The following RALGAPA2 variants were observed in gnomAD, a reference collection of about 807,000 sequenced individuals.
RALGAPA2 encodes the protein Ral GTPase activating protein catalytic subunit alpha 2.
Under a neutral mutation model 230.4 loss-of-function variants are expected in RALGAPA2, and 139 were observed. The ratio of observed to expected loss-of-function variants is 0.60; its 90% CI spans 0.53 to 0.69. The LOEUF (loss-of-function observed/expected upper bound fraction) is 0.69. Ranked by LOEUF, RALGAPA2 falls within the 30% of genes least tolerant of loss-of-function variation. The probability of loss-of-function intolerance (pLI) is 0.00; values close to 1 mark genes in which losing one functional copy is unlikely to be tolerated. For missense variants in RALGAPA2, 2,163 were observed against 2,276.0 expected, an observed-to-expected ratio of 0.95 and a Z score of 1.01; for synonymous variants, 847 against 837.8, an observed-to-expected ratio of 1.01 and a Z score of -0.19.
intron 24 of RALGAPA2, among the ~76,000 whole-genome samples, chr20:20,543,516 G>A (rs2145684102): frequency 6.6e-6 from 1 of 152,294 alleles, no homozygotes; most frequent in Non-Finnish European, 1.5e-5. Context: ...TTAAGAAAAT[G>A]TGGCACATAT....
intron 5 of RALGAPA2, among the ~76,000 whole-genome samples, chr20:20,642,402 G>T (rs1260672803): frequency 6.6e-6 from 1 of 152,010 alleles, no homozygotes; most frequent in East Asian, 1.9e-4. Context: ...GTAGAGACGG[G>T]GTTTCACCAT....
intron 1 of RALGAPA2, among the ~76,000 whole-genome samples, chr20:20,699,458 G>A (rs2069253488): frequency 6.6e-6 from 1 of 152,154 alleles, no homozygotes; most frequent in Non-Finnish European, 1.5e-5. Flanking sequence ...CCATGGAATC[G>A]AGAGAGAGTC....
Position 20,393,091 on chromosome 20 carries a change from G to C in RALGAPA2, c.*198C>G. The C allele has an allele frequency of 7.4e-7, 1 of 1,352,396 alleles. No individual in the cohort carries two copies. The highest frequency in any genetic ancestry group is 9.9e-7 in the Non-Finnish European group (1 of 1,014,778). The allele number at this position is 1,352,396 out of a possible 1,614,324, so 83.8% of individuals were successfully genotyped here. A position where few individuals can be genotyped will look rare whatever the true frequency, so the allele number is the denominator to read the frequency against. On this transcript the variant is annotated 3_prime_UTR_variant, in exon 40 of 40. Coordinates refer to ENST00000202677, the MANE Select transcript of RALGAPA2 (RefSeq NM_020343.4). Reference sequence around the variant, plus strand: ...GTAGTGGGATTCACCATGGGCTTCAGAAGTCCACTAATGGGAAGACCTGCT... The same window carrying C: ...GTAGTGGGATTCACCATGGGCTTCACAAGTCCACTAATGGGAAGACCTGCT...
intron 37 of RALGAPA2, among the ~76,000 whole-genome samples, chr20:20,447,646 T>A (rs1030489656): frequency 4.0e-5 from 6 of 151,304 alleles, no homozygotes; most frequent in Non-Finnish European, 8.8e-5. Context: ...TTTTTTTTTT[T>A]AACTAGGTCA....
At chr20:20,523,291 G>A (rs1386792641) in intron 30 of RALGAPA2, among the ~76,000 whole-genome samples, 1 of 152,222 alleles carries the variant, frequency 6.6e-6, no homozygotes, top group Non-Finnish European at 1.5e-5. Flanking sequence ...CAGTGTGTAT[G>A]TGTGTAGAGG....
At chr20:20,503,766 C>T (rs1369037245) in intron 34 of RALGAPA2, among the ~76,000 whole-genome samples, 1 of 152,100 alleles carries the variant, frequency 6.6e-6, no homozygotes, top group Non-Finnish European at 1.5e-5. Context: ...TAACTTTTTT[C>T]CCACCTGTAT....
chr20:20,399,795 C>CA (rs2059794961), intron 38 of RALGAPA2, among the ~76,000 whole-genome samples: 1 of 152,220 alleles, frequency 6.6e-6, no homozygotes. Context: ...AGCAAGAGAG[C>CA]AAGGCTTTGA....
chr20:20,518,206 C>T (rs1035153346), intron 31 of RALGAPA2, among the ~76,000 whole-genome samples: 5 of 152,144 alleles, frequency 3.3e-5, no homozygotes, highest in African/African-American at 1.2e-4. Context: ...CAGGCACCTG[C>T]CACCATGCCC....
At position 20,540,842 on chromosome 20, in the gene RALGAPA2, C is replaced by T. The variant is rs183414553; in HGVS notation, c.3286-4058G>A. On this transcript the variant is annotated intron_variant, in intron 24 of 39. Transcript: ENST00000202677. ...TTGATATACATACTGTTTTAATATA[C>T]ATATTGATCCTTATCAATATGTTTT... is the stretch of plus-strand genomic sequence containing the variant. 6.5e-4 allele frequency among the ~76,000 whole-genome samples: 99 copies of T among 151,866 alleles called. 2 individuals are homozygous for T. The East Asian group carries it at 0.019, about 29-fold the overall frequency.
intron 33 of RALGAPA2, among the ~76,000 whole-genome samples, chr20:20,506,210 C>G (rs1188821398): frequency 1.3e-5 from 2 of 151,888 alleles, no homozygotes; most frequent in Non-Finnish European, 2.9e-5. Context: ...CTGCTTGTTC[C>G]AACATAGATC....
intron 23 of RALGAPA2, among the ~76,000 whole-genome samples, chr20:20,556,879 TTC>T (rs1173779879): frequency 1.2e-4 from 18 of 152,260 alleles, no homozygotes; most frequent in Admixed American, 1.0e-3. Flanking sequence ...TAAAATATTT[TTC>T]TGAGGTGCCC....
intron 37 of RALGAPA2, among the ~76,000 whole-genome samples, chr20:20,443,267 T>A (rs558702244): frequency 4.3e-4 from 66 of 152,340 alleles, no homozygotes; most frequent in African/African-American, 1.3e-3. Flanking sequence ...CTGCATTCAT[T>A]TCCTGGATGA....
intron 37 of RALGAPA2, among the ~76,000 whole-genome samples, chr20:20,436,500 T>C (rs938991281): frequency 1.3e-5 from 2 of 152,204 alleles, no homozygotes; most frequent in African/African-American, 4.8e-5. Context: ...ATAAAGTGTA[T>C]TTAAGCGTCA....
chr20:20,586,672 C>T (rs539228892), intron 18 of RALGAPA2, among the ~76,000 whole-genome samples: 15 of 151,992 alleles, frequency 9.9e-5, no homozygotes, highest in Admixed American at 3.3e-4. Flanking sequence ...AAAGTATAAA[C>T]GTGAACTGTC....
In RALGAPA2 at chr20:20,468,904, C is replaced by T. The variant is rs905494814; in HGVS notation, c.5495+3925G>A. On this transcript the variant is annotated intron_variant, in intron 37 of 39. Transcript: ENST00000202677. ...AGACCCCTGCTCTCTCTCAGAACCC[C>T]GTCCATGGCCCCTTAAATGTTTCCA... Among the ~76,000 whole-genome samples, 9 of 151,984 alleles carry T rather than the reference C, an allele frequency of 5.9e-5. No homozygotes were observed. In the East Asian group the frequency reaches 1.3e-3, roughly 23 times the overall value.
chr20:20,666,846 T>C (rs1020110424), intron 3 of RALGAPA2, among the ~76,000 whole-genome samples: 2 of 151,988 alleles, frequency 1.3e-5, no homozygotes, highest in Non-Finnish European at 2.9e-5. Context: ...AGCTTTTAAT[T>C]TGTTTTCATT....
In RALGAPA2 at chr20:20,637,444, A is replaced by G. The variant is rs2066894512; in HGVS notation, c.724T>C (p.Phe242Leu). 6.4e-7 allele frequency: 1 copy of G among 1,574,016 alleles called. No homozygotes were observed. The highest frequency in any genetic ancestry group is 1.8e-5 in the Admixed American group (1 of 54,422). Residue 242 changes from phenylalanine (F) to leucine (L), a missense_variant, in exon 8 of 40, where the codon TTT (phenylalanine) becomes CTT (leucine). Phe to Leu is a conservative substitution (Grantham distance 22). Transcript: ENST00000202677. ...ENQDTGFKFL[F>L]TLFRKYYLPH... ...AGATAATACTTTCGAAACAATGTAA[A>G]AAGAAATTTAAAACCAGTATCTTGA...
At chr20:20,393,356 C>CA in intron 39 of RALGAPA2, 103 bp from the exon 40 acceptor site, 1 of 971,588 alleles carries the variant, frequency 1.0e-6, no homozygotes, top group Non-Finnish European at 1.3e-6. Context: ...GGGAAACTCC[C>CA]AGGAGAAGGG....
At chr20:20,525,030 AG>A in intron 28 of RALGAPA2, 132 bp from the exon 29 acceptor site, 1 of 710,832 alleles carries the variant, frequency 1.4e-6, no homozygotes, top group South Asian at 2.0e-5. Context: ...GGTGATAAAA[AG>A]CAGAGGGCCA....
Sources: gnomAD v4.1 joint callset for allele counts (sites outside exome capture counted in the v4.1 genomes callset) on GRCh38, gnomAD v4.1.1 for gene constraint, MANE v1.5 for transcripts, NCBI Gene and HGNC (gene_info 2026-07-23, HGNC 2026-07-21) for gene names.